Variants in CDH4 observed in about 807,000 individuals in gnomAD.
CDH4 encodes cadherin-4.
In CDH4, 33 loss-of-function variants were observed where a neutral mutation model predicts 86.0. That is an observed-to-expected ratio of 0.38 (90% confidence interval 0.29 to 0.51). The LOEUF (loss-of-function observed/expected upper bound fraction) is 0.51. CDH4 is among the 20% of genes least tolerant of loss of function. The probability of loss-of-function intolerance (pLI) is 0.86; values close to 1 mark genes in which losing one functional copy is unlikely to be tolerated. For missense variants in CDH4, 1,114 were observed against 1,307.4 expected, an observed-to-expected ratio of 0.85 and a Z score of 2.28; for synonymous variants, 555 against 549.4, an observed-to-expected ratio of 1.01 and a Z score of -0.14.
In CDH4 at chr20:61,708,004, A is replaced by T. The variant is rs2087850642; in HGVS notation, c.170-35559A>T. 6.6e-6 allele frequency among the ~76,000 whole-genome samples: 1 copy of T among 152,092 alleles called. No homozygotes were observed. Among genetic ancestry groups the T allele is most frequent in the African/African-American group, 2.4e-5 (1 of 41,412 alleles). ...CGGCCACCAGGCTTTGGAGGGAGAG[A>T]CAGTGGAGTTTGCATCCACCAGTGC... On this transcript the variant is annotated intron_variant, in intron 2 of 15. Coordinates refer to ENST00000614565, the MANE Select transcript of CDH4 (RefSeq NM_001794.5). The surrounding 1 kb of genome is among the most constrained non-coding windows in gnomAD (Gnocchi z 4.5).
chr20:61,428,383 G>A (rs541781544), intron 2 of CDH4, among the ~76,000 whole-genome samples: 14 of 152,254 alleles, frequency 9.2e-5, no homozygotes, highest in South Asian at 8.3e-4. Flanking sequence ...GATTCTACTC[G>A]TGGATGTCTC....
intron 2 of CDH4, among the ~76,000 whole-genome samples, chr20:61,679,346 T>C (rs1443252307): frequency 1.3e-5 from 2 of 152,242 alleles, no homozygotes; most frequent in African/African-American, 2.4e-5. Flanking sequence ...TGGAGGGCTT[T>C]TGTCAAAACA....
At chr20:61,707,885 G>C (rs1033093586) in intron 2 of CDH4, among the ~76,000 whole-genome samples, 16 of 152,182 alleles carry the variant, frequency 1.1e-4, no homozygotes, top group Non-Finnish European at 1.2e-4. Flanking sequence ...CCTGTGTCCT[G>C]ATCTCAGCTC....
At chr20:61,430,120 A>C (rs774006471) in intron 2 of CDH4, among the ~76,000 whole-genome samples, 1 of 152,196 alleles carries the variant, frequency 6.6e-6, no homozygotes, top group African/African-American at 2.4e-5. Flanking sequence ...TTATCTGTGG[A>C]CCACAACAGA....
intron 2 of CDH4, among the ~76,000 whole-genome samples, chr20:61,521,698 A>C (rs2085870127): frequency 6.6e-6 from 1 of 152,170 alleles, no homozygotes; most frequent in South Asian, 2.1e-4. Flanking sequence ...ACAAACCACA[A>C]TTAATTCATA....
intron 7 of CDH4, among the ~76,000 whole-genome samples, chr20:61,874,460 G>A (rs543996847): frequency 8.9e-4 from 135 of 152,300 alleles, no homozygotes; most frequent in South Asian, 6.0e-3. Flanking sequence ...GCGGTCCTAC[G>A]AGGCTTTTGT....
At chr20:61,936,355 T>TCCCCCACACCCCC (rs1568900407) in intron 15 of CDH4, among the ~76,000 whole-genome samples, 1 of 4,180 alleles carries the variant, frequency 2.4e-4, no homozygotes. Context: ...CCCACACCCC[T>TCCCCCACACCCCC]TCCCCACACC....
chr20:61,733,736 AGAAAG>A (rs749820589), intron 2 of CDH4, among the ~76,000 whole-genome samples: 2 of 152,106 alleles, frequency 1.3e-5, no homozygotes, highest in African/African-American at 4.8e-5. Flanking sequence ...AGAAAAGAAA[AGAAAG>A]AGCAAGCTGG....
intron 2 of CDH4, among the ~76,000 whole-genome samples, chr20:61,271,745 G>A (rs1358677218): frequency 6.6e-6 from 1 of 152,192 alleles, no homozygotes; most frequent in Admixed American, 6.5e-5. Flanking sequence ...GAGAGAAGGT[G>A]CCCCTCACGA....
chr20:61,547,222 T>C (rs1457338375), intron 2 of CDH4, among the ~76,000 whole-genome samples: 46 of 103,136 alleles, frequency 4.5e-4, no homozygotes, highest in South Asian at 1.2e-3. Context: ...TTTTTTTTTT[T>C]TGCCCCCTGA....
chr20:61,388,302 C>T (rs1035386968), intron 2 of CDH4, among the ~76,000 whole-genome samples: 28 of 152,256 alleles, frequency 1.8e-4, no homozygotes, highest in Admixed American at 9.2e-4. Flanking sequence ...GGGTTGACCC[C>T]CGTCTCACTT....
At chr20:61,444,345 G>T (rs375149916) in intron 2 of CDH4, among the ~76,000 whole-genome samples, 5 of 10,752 alleles carry the variant, frequency 4.7e-4, no homozygotes, top group Non-Finnish European at 1.1e-3. Flanking sequence ...CTCTGTGTGT[G>T]TCTGTGTATA....
At chr20:61,548,578 TA>T (rs982080540) in intron 2 of CDH4, among the ~76,000 whole-genome samples, 10 of 152,332 alleles carry the variant, frequency 6.6e-5, no homozygotes, top group African/African-American at 9.6e-5. Flanking sequence ...TTTAGTGGCT[TA>T]AAATGTCATT....
intron 2 of CDH4, among the ~76,000 whole-genome samples, chr20:61,398,622 G>C (rs2085032226): frequency 6.6e-6 from 1 of 151,936 alleles, no homozygotes; most frequent in Non-Finnish European, 1.5e-5. Flanking sequence ...CAACTGATTG[G>C]ACAAGGCGCA....
intron 2 of CDH4, among the ~76,000 whole-genome samples, chr20:61,667,655 C>G (rs1312396248): frequency 6.6e-6 from 1 of 151,980 alleles, no homozygotes; most frequent in Non-Finnish European, 1.5e-5. Context: ...GGCACACACA[C>G]ACACACCTGC....
At chr20:61,907,407 A>C (rs1458970060) in intron 8 of CDH4, among the ~76,000 whole-genome samples, 1 of 151,770 alleles carries the variant, frequency 6.6e-6, no homozygotes, top group East Asian at 1.9e-4. Context: ...TCTCACACCC[A>C]AGGACTGCAG....
rs545011329 is a variant in CDH4 at position 61,588,979 on chromosome 20, A to G, written c.170-154584A>G. Among the ~76,000 whole-genome samples, 3 of 152,352 alleles carry G rather than the reference A, an allele frequency of 2.0e-5. No individual in the cohort carries two copies. In the East Asian group the frequency reaches 5.8e-4, roughly 29 times the overall value. On this transcript the variant is annotated intron_variant, in intron 2 of 15. Transcript: ENST00000614565. Reference sequence around the variant, plus strand: ...AACACACGCGGAGATAAATATATGCAAACATCGATAATTGTTTTAGTTGGA... The same window carrying G: ...AACACACGCGGAGATAAATATATGCGAACATCGATAATTGTTTTAGTTGGA...
At chr20:61,332,710 T>G (rs189214384) in intron 2 of CDH4, among the ~76,000 whole-genome samples, 1 of 152,356 alleles carries the variant, frequency 6.6e-6, no homozygotes, top group Admixed American at 6.5e-5. Flanking sequence ...GGTGTGAGCA[T>G]TTTTGTTTCT....
At chr20:61,292,042 C>G (rs1226485897) in intron 2 of CDH4, among the ~76,000 whole-genome samples, 1 of 152,168 alleles carries the variant, frequency 6.6e-6, no homozygotes, top group Non-Finnish European at 1.5e-5. Context: ...ATGACGGCCT[C>G]CAGCTTCATC....
Sources: gnomAD v4.1 joint callset for allele counts (sites outside exome capture counted in the v4.1 genomes callset) on GRCh38, gnomAD v4.1.1 for gene constraint, Gnocchi (gnomAD v3.1) non-coding constraint, MANE v1.5 for transcripts, NCBI Gene and HGNC (gene_info 2026-07-23, HGNC 2026-07-21) for gene names.